Variants in VPS13B observed in about 807,000 individuals in gnomAD.
VPS13B encodes the protein vacuolar protein sorting 13 homolog B.
In VPS13B, 285 loss-of-function variants were observed where a neutral mutation model predicts 426.4. The ratio of observed to expected loss-of-function variants is 0.67; its 90% CI spans 0.61 to 0.74. The LOEUF is 0.74. Among genes scored for constraint, VPS13B ranks in the 30% least tolerant of loss-of-function variants. VPS13B has a pLI of 0.00. For synonymous variants in VPS13B, 1,676 were observed against 1,676.4 expected, an observed-to-expected ratio of 1.00 and a Z score of 0.01; for missense variants, 4,537 against 4,782.6, an observed-to-expected ratio of 0.95 and a Z score of 1.51.
intron 29 of VPS13B, among the ~76,000 whole-genome samples, chr8:99,512,582 A>G (rs1821847834): frequency 6.6e-6 from 1 of 152,186 alleles, no homozygotes; most frequent in Non-Finnish European, 1.5e-5. Context: ...AAGATTGGGG[A>G]GATTGTCAAA....
chr8:99,383,595 C>A (rs1813953430), intron 19 of VPS13B, among the ~76,000 whole-genome samples: 1 of 152,120 alleles, frequency 6.6e-6, no homozygotes, highest in Admixed American at 6.6e-5. Context: ...ACTCTCAAAC[C>A]ACATAGCTCT....
intron 3 of VPS13B, among the ~76,000 whole-genome samples, chr8:99,069,297 G>T (rs904131876): frequency 6.6e-6 from 1 of 152,078 alleles, no homozygotes; most frequent in South Asian, 2.1e-4. Context: ...AGCTGGACTT[G>T]GTGGCACAAG....
intron 28 of VPS13B, among the ~76,000 whole-genome samples, chr8:99,510,291 C>A (rs1237735357): frequency 1.3e-5 from 2 of 152,110 alleles, no homozygotes; most frequent in African/African-American, 4.8e-5. Context: ...GGAAAAACTC[C>A]ATTTTCACAA....
intron 25 of VPS13B, among the ~76,000 whole-genome samples, chr8:99,493,803 A>G (rs1471041920): frequency 7.5e-6 from 1 of 133,262 alleles, no homozygotes; most frequent in Non-Finnish European, 1.7e-5. Context: ...AAAAAAAAAG[A>G]AAAGAAAAAG....
At chr8:99,266,255 CA>C (rs113518710) in intron 17 of VPS13B, among the ~76,000 whole-genome samples, 5 of 142,416 alleles carry the variant, frequency 3.5e-5, no homozygotes, top group Admixed American at 7.0e-5. Context: ...CCTGTCTCTA[CA>C]AAAAAAAAAC....
At chr8:99,585,926 C>G (rs1826279861) in intron 33 of VPS13B, among the ~76,000 whole-genome samples, 1 of 152,170 alleles carries the variant, frequency 6.6e-6, no homozygotes, top group South Asian at 2.1e-4. Flanking sequence ...GAATGAGAGA[C>G]TCTTAGAACT....
At chr8:99,825,083 G>T (rs1814595557) in intron 51 of VPS13B, among the ~76,000 whole-genome samples, 2 of 152,090 alleles carry the variant, frequency 1.3e-5, no homozygotes, top group South Asian at 4.1e-4. Context: ...ATTCCTTTGG[G>T]TATATACCCA....
intron 2 of VPS13B, among the ~76,000 whole-genome samples, chr8:99,034,024 A>G (rs1016407446): frequency 3.3e-5 from 5 of 152,048 alleles, no homozygotes; most frequent in Admixed American, 1.3e-4. Flanking sequence ...TCTATTGACT[A>G]TTTTTATTTC....
intron 19 of VPS13B, among the ~76,000 whole-genome samples, chr8:99,300,323 C>T (rs1181553649): frequency 6.6e-6 from 1 of 152,178 alleles, no homozygotes; most frequent in African/African-American, 2.4e-5. Flanking sequence ...CTTTGATAAA[C>T]AGCAGGTTAC....
intron 23 of VPS13B, among the ~76,000 whole-genome samples, chr8:99,463,494 C>T (rs1818942882): frequency 6.6e-6 from 1 of 152,028 alleles, no homozygotes; most frequent in Non-Finnish European, 1.5e-5. Flanking sequence ...AACAGTATTC[C>T]AAATGTAGAA....
Position 99,732,638 on chromosome 8 carries a change from T to G in VPS13B, c.7050+11591T>G, listed in dbSNP as rs556662786. On this transcript the variant is annotated intron_variant, in intron 39 of 61. Coordinates refer to ENST00000357162, the MANE Select transcript of VPS13B (RefSeq NM_152564.5). Reference sequence around the variant, plus strand: ...CAGTCTCTCCACCCACCCAGTAAACTGCTTCTCATCTTGCCTGATTGTGAG... The same window carrying G: ...CAGTCTCTCCACCCACCCAGTAAACGGCTTCTCATCTTGCCTGATTGTGAG... Among the ~76,000 whole-genome samples, 6 of 152,348 alleles carry G rather than the reference T, an allele frequency of 3.9e-5. No homozygotes were observed. The South Asian group carries it at 1.0e-3, about 26-fold the overall frequency.
At chr8:99,144,773 T>C (rs1041850805) in intron 13 of VPS13B, among the ~76,000 whole-genome samples, 3 of 152,214 alleles carry the variant, frequency 2.0e-5, no homozygotes, top group Non-Finnish European at 2.9e-5. Flanking sequence ...ACAAAGCCTT[T>C]GGTCTCATGG....
chr8:99,375,840 ATGTT>A (rs1213810669), intron 19 of VPS13B, among the ~76,000 whole-genome samples: 1 of 152,216 alleles, frequency 6.6e-6, no homozygotes, highest in Non-Finnish European at 1.5e-5. Flanking sequence ...GTAAATTAAT[ATGTT>A]TGTGTTTTTT....
In VPS13B at chr8:99,865,010, G is replaced by T. The variant is rs116277230; in HGVS notation, c.11215+3064G>T. Reference sequence around the variant, plus strand: ...TCATGGGGACACTATGGAGCATTATGAGGCCCTTGAAAATTAAAGCAAGTC... The same window carrying T: ...TCATGGGGACACTATGGAGCATTATTAGGCCCTTGAAAATTAAAGCAAGTC... On this transcript the variant is annotated intron_variant, in intron 58 of 61. Transcript: ENST00000357162. Among the ~76,000 whole-genome samples the T allele has an allele frequency of 6.7e-3, 1,019 of 152,284 alleles. 8 individuals carry two copies. Among genetic ancestry groups the T allele is most frequent in the African/African-American group, 0.024 (979 of 41,560 alleles).
At chr8:99,577,217 G>A (rs1825819148) in intron 32 of VPS13B, among the ~76,000 whole-genome samples, 1 of 152,154 alleles carries the variant, frequency 6.6e-6, no homozygotes, top group Non-Finnish European at 1.5e-5. Context: ...TTATGGAAAA[G>A]TCAAATAGGT....
At chr8:99,733,631 T>C (rs1833690758) in intron 39 of VPS13B, among the ~76,000 whole-genome samples, 1 of 152,232 alleles carries the variant, frequency 6.6e-6, no homozygotes. Context: ...GAGTTTTGAT[T>C]GCAAGCTACA....
At chr8:99,708,240 G>A (rs894963472) in intron 36 of VPS13B, among the ~76,000 whole-genome samples, 3 of 151,886 alleles carry the variant, frequency 2.0e-5, no homozygotes, top group Admixed American at 6.6e-5. Context: ...TAACACAACT[G>A]TAAAAACCGT....
chr8:99,811,941 G>C (rs1363646962), intron 44 of VPS13B, among the ~76,000 whole-genome samples: 1 of 152,140 alleles, frequency 6.6e-6, no homozygotes, highest in Non-Finnish European at 1.5e-5. Context: ...TATCAGGCAT[G>C]AGTAACACTA....
intron 3 of VPS13B, among the ~76,000 whole-genome samples, chr8:99,082,862 T>A (rs1845560104): frequency 6.6e-6 from 1 of 152,232 alleles, no homozygotes; most frequent in South Asian, 2.1e-4. Flanking sequence ...TTGCTTACTG[T>A]AGCCTTGTAG....
Sources: gnomAD v4.1 joint callset for allele counts (sites outside exome capture counted in the v4.1 genomes callset) on GRCh38, gnomAD v4.1.1 for gene constraint, MANE v1.5 for transcripts, NCBI Gene and HGNC (gene_info 2026-07-23, HGNC 2026-07-21) for gene names.